TMEM132D: variants seen among roughly 807,000 people sequenced by gnomAD.
The protein encoded by TMEM132D is transmembrane protein 132D.
In TMEM132D, 21 loss-of-function variants were observed where a neutral mutation model predicts 62.3. The ratio of observed to expected loss-of-function variants is 0.34; its 90% CI spans 0.24 to 0.49. TMEM132D has a LOEUF of 0.49. Ranked by LOEUF, TMEM132D falls within the 20% of genes least tolerant of loss-of-function variation. The pLI is 0.99. For synonymous variants in TMEM132D, 621 were observed against 575.6 expected (o/e 1.08, Z -1.13); for missense variants, 1,346 against 1,402.8 (o/e 0.96, Z 0.65).
chr12:129,588,171 T>C (rs948959492), intron 2 of TMEM132D, among the ~76,000 whole-genome samples: 3 of 152,238 alleles, frequency 2.0e-5, no homozygotes, highest in African/African-American at 7.2e-5. Flanking sequence ...TTCAGAAAAG[T>C]TCCATATATC....
intron 5 of TMEM132D, among the ~76,000 whole-genome samples, chr12:129,122,160 CT>C (rs1876085067): frequency 6.6e-6 from 1 of 152,168 alleles, no homozygotes; most frequent in Non-Finnish European, 1.5e-5. Flanking sequence ...TAATTGTGTC[CT>C]CACTGTAAAT....
intron 3 of TMEM132D, among the ~76,000 whole-genome samples, chr12:129,382,921 T>G (rs1870995487): frequency 6.6e-6 from 1 of 152,196 alleles, no homozygotes; most frequent in Non-Finnish European, 1.5e-5. Context: ...CCTTCCTGTT[T>G]GTGTTTTCTG....
At chr12:129,693,330 T>C (rs1881109187) in intron 2 of TMEM132D, among the ~76,000 whole-genome samples, 1 of 152,162 alleles carries the variant, frequency 6.6e-6, no homozygotes, top group Non-Finnish European at 1.5e-5. Flanking sequence ...TATCCAGGTG[T>C]TCTCACTGAA....
intron 2 of TMEM132D, among the ~76,000 whole-genome samples, chr12:129,630,498 AG>A (rs1384032808): frequency 6.6e-6 from 1 of 152,150 alleles, no homozygotes; most frequent in East Asian, 1.9e-4. Context: ...GTTTCCTGGA[AG>A]GTTTCTTGGA....
intron 5 of TMEM132D, among the ~76,000 whole-genome samples, chr12:129,117,799 T>C (rs1036028485): frequency 2.0e-5 from 3 of 152,362 alleles, no homozygotes; most frequent in South Asian, 2.1e-4. Flanking sequence ...CAAAGCTTTG[T>C]CATATTTTAC....
chr12:129,632,498 C>T (rs1879374778), intron 2 of TMEM132D, among the ~76,000 whole-genome samples: 1 of 152,148 alleles, frequency 6.6e-6, no homozygotes, highest in Admixed American at 6.5e-5. Context: ...TCTTCAAGAC[C>T]CATTATAAAA....
chr12:129,623,437 CCTCTT>C (rs1340400765), intron 2 of TMEM132D, among the ~76,000 whole-genome samples: 3 of 151,970 alleles, frequency 2.0e-5, no homozygotes, highest in Non-Finnish European at 2.9e-5. Context: ...TCCACCCTCC[CCTCTT>C]CTGAGTCTCT....
chr12:129,640,839 C>A (rs1198897482), intron 2 of TMEM132D, among the ~76,000 whole-genome samples: 6 of 152,136 alleles, frequency 3.9e-5, no homozygotes, highest in Non-Finnish European at 8.8e-5. Flanking sequence ...AGCTCCAGCT[C>A]CTGTCAGCTC....
At chr12:129,609,107 A>AT (rs944071527) in intron 2 of TMEM132D, among the ~76,000 whole-genome samples, 45 of 151,072 alleles carry the variant, frequency 3.0e-4, no homozygotes, top group South Asian at 2.5e-3. Flanking sequence ...CGCCCAGATA[A>AT]TTTTTTTTTG....
chr12:129,527,212 G>A (rs12315243), intron 3 of TMEM132D, among the ~76,000 whole-genome samples: 6,216 of 152,216 alleles, frequency 0.041, 421 homozygotes, highest in African/African-American at 0.14. Context: ...GGGTGGCTGA[G>A]GCAGAAGAAT....
chr12:129,350,982 C>G (rs116497344), intron 3 of TMEM132D, among the ~76,000 whole-genome samples: 2,326 of 152,284 alleles, frequency 0.015, 36 homozygotes, highest in African/African-American at 0.036. Flanking sequence ...TTTTGAAAGC[C>G]TCAATAATAG....
At chr12:129,617,148 G>C (rs2137156425) in intron 2 of TMEM132D, among the ~76,000 whole-genome samples, 1 of 152,310 alleles carries the variant, frequency 6.6e-6, no homozygotes, top group African/African-American at 2.4e-5. Context: ...TGAATCCCAT[G>C]GGTGTGAGTG....
At chr12:129,521,391 T>C (rs1327253071) in intron 3 of TMEM132D, 2 of 152,232 alleles carry the variant, frequency 1.3e-5, no homozygotes, top group Non-Finnish European at 2.9e-5. Context: ...CTGATTAGAA[T>C]GGCTGGTGAA....
intron 4 of TMEM132D, among the ~76,000 whole-genome samples, chr12:129,217,893 G>A (rs1879251949): frequency 6.6e-6 from 1 of 152,100 alleles, no homozygotes; most frequent in African/African-American, 2.4e-5. Context: ...TGTATAAGAG[G>A]ACATCCATTT....
At chr12:129,563,236 C>T (rs898121730) in intron 2 of TMEM132D, among the ~76,000 whole-genome samples, 72 of 152,106 alleles carry the variant, frequency 4.7e-4, no homozygotes, top group African/African-American at 1.7e-3. Context: ...CATATTATTC[C>T]GTCTTCTCTT....
intron 3 of TMEM132D, among the ~76,000 whole-genome samples, chr12:129,499,143 T>G (rs990925611): frequency 3.3e-5 from 5 of 152,342 alleles, no homozygotes; most frequent in African/African-American, 9.6e-5. Flanking sequence ...GAACCTTATC[T>G]TCCAGTGGAA....
At chr12:129,513,613 T>G (rs1260826616) in intron 3 of TMEM132D, among the ~76,000 whole-genome samples, 2 of 148,290 alleles carry the variant, frequency 1.3e-5, no homozygotes, top group East Asian at 2.0e-4. Context: ...GCCTCCCGAG[T>G]AGCTGGGACT....
In TMEM132D at chr12:129,074,108, TG is replaced by T. The variant is rs2135601858; in HGVS notation, c.3066del (p.Ile1023SerfsTer23). 1 of 1,614,132 alleles carries T rather than the reference TG, an allele frequency of 6.2e-7. No individual in the cohort carries two copies. The highest frequency in any genetic ancestry group is 8.5e-7 in the Non-Finnish European group (1 of 1,180,024). ...INGQLFKPLGPIIIDGKDQKS... is the reference protein window; with the variant it reads ...INGQLFKPLGXIIIDGKDQKS... ...TTCTGATCTTTCCCATCAATGATGA[TG>T]GGTCCCAAAGGTTTGAACAGCTGCC... On this transcript the variant is annotated frameshift_variant, in exon 9 of 9. Coordinates refer to ENST00000422113, the MANE Select transcript of TMEM132D (RefSeq NM_133448.3). LOFTEE classifies it low-confidence loss of function (END_TRUNC).
intron 1 of TMEM132D, among the ~76,000 whole-genome samples, chr12:129,763,035 T>C (rs1402281769): frequency 6.6e-6 from 1 of 152,188 alleles, no homozygotes; most frequent in Non-Finnish European, 1.5e-5. Flanking sequence ...CGCCTCCTAG[T>C]TCTTAAATCA....
Sources: allele counts gnomAD v4.1 joint callset (sites outside exome capture counted in the v4.1 genomes callset), GRCh38; gene constraint gnomAD v4.1.1; transcripts MANE v1.5; gene names NCBI Gene and HGNC (gene_info 2026-07-23, HGNC 2026-07-21).